The following ABCC9 variants were observed in gnomAD, a reference collection of about 807,000 sequenced individuals.
ABCC9 encodes ATP-binding cassette sub-family C member 9.
In ABCC9, 95 loss-of-function variants were observed where a neutral mutation model predicts 188.3. The observed-to-expected ratio is 0.50, with a 90% CI of 0.43 to 0.60. The LOEUF (loss-of-function observed/expected upper bound fraction) is 0.60, where lower values mean the gene tolerates loss of function less well. Ranked by LOEUF, ABCC9 falls within the 20% of genes least tolerant of loss-of-function variation. The pLI, the probability that ABCC9 is intolerant of heterozygous loss-of-function variation, is 0.00. For missense variants in ABCC9, 1,102 were observed against 1,876.3 expected (o/e 0.59, Z 7.62); for synonymous variants, 659 against 652.7 (o/e 1.01, Z -0.15).
intron 18 of ABCC9, among the ~76,000 whole-genome samples, chr12:21,870,749 A>T (rs1946029330): frequency 6.6e-6 from 1 of 151,566 alleles, no homozygotes; most frequent in Non-Finnish European, 1.5e-5. Context: ...TATTTAAACA[A>T]TATTTAAAAA....
chr12:21,869,215 G>T (rs1210134599), intron 18 of ABCC9, among the ~76,000 whole-genome samples: 3 of 152,228 alleles, frequency 2.0e-5, no homozygotes, highest in Non-Finnish European at 2.9e-5. Flanking sequence ...TAGGTTACAG[G>T]AATTTTATAA....
intron 17 of ABCC9, 146 bp downstream of exon 17, chr12:21,875,508 T>C: frequency 1.6e-6 from 1 of 625,002 alleles, no homozygotes. Context: ...AGTGACACAG[T>C]GGCTCGCAAG....
intron 17 of ABCC9, among the ~76,000 whole-genome samples, chr12:21,874,013 C>T (rs1050814566): frequency 6.6e-6 from 1 of 151,964 alleles, no homozygotes; most frequent in African/African-American, 2.4e-5. Flanking sequence ...AGTAGAACCA[C>T]ATCAAACTAA....
Position 21,801,068 on chromosome 12 carries a change from A to G in ABCC9, c.4626T>C (p.Ala1542=). 1 of 1,614,000 alleles carries G rather than the reference A, an allele frequency of 6.2e-7. No homozygotes were observed. The highest frequency in any genetic ancestry group is 1.3e-5 in the African/African-American group (1 of 75,062). ...TTCACATGTCTGCGCGAACAAAAGA[A>G]GCAAATACTCCATTTTCCTGAGCCA... The part of the protein sequence containing the change: ...SLLAQENGVF[A]SFVRADM Residue 1542 remains alanine, a synonymous_variant, in exon 40 of 40, where the codon GCT becomes GCC. Coordinates refer to ENST00000261200, the MANE Select transcript of ABCC9 (RefSeq NM_020297.4).
chr12:21,817,323 A>T lies in ABCC9; in HGVS notation c.3772-16T>A. ...AATTGGTTATCTGTGTCAGGTGATT[A>T]AAAAAATTGTTTTAAATAAATTAAA... On this transcript the variant is annotated splice_polypyrimidine_tract_variant and intron_variant, in intron 32 of 39. Coordinates refer to ENST00000261200, the MANE Select transcript of ABCC9 (RefSeq NM_020297.4). 1.9e-6 allele frequency: 3 copies of T among 1,611,924 alleles called. No homozygotes were observed. Among genetic ancestry groups the T allele is most frequent in the South Asian group, 1.1e-5 (1 of 90,976 alleles).
At chr12:21,928,597 C>T (rs916290888) in intron 4 of ABCC9, among the ~76,000 whole-genome samples, 3 of 151,962 alleles carry the variant, frequency 2.0e-5, no homozygotes, top group African/African-American at 7.2e-5. Context: ...TAACCTTAAA[C>T]AGGTTTGATA....
intron 32 of ABCC9, 61 bp from the exon 33 acceptor site, chr12:21,817,368 C>T: frequency 6.4e-7 from 1 of 1,567,446 alleles, no homozygotes; most frequent in East Asian, 2.3e-5. Context: ...TGTGGTTAAT[C>T]ACCGGAAATT....
rs79658484 is a variant in ABCC9, at chr12:21,819,105, C to T, written c.3670-854G>A. ...CAAATAAAAGATGGGAACATCTGTC[C>T]ATTTCCTAACGCTTTCTTTTTATCT... On this transcript the variant is annotated intron_variant, in intron 31 of 39. Transcript: ENST00000261200. 9.1e-3 allele frequency among the ~76,000 whole-genome samples: 1,380 copies of T among 152,168 alleles called. 20 individuals carry two copies. Among genetic ancestry groups the T allele is most frequent in the African/African-American group, 0.032 (1,329 of 41,516 alleles).
intron 16 of ABCC9, among the ~76,000 whole-genome samples, chr12:21,878,959 T>A (rs1291136540): frequency 6.6e-6 from 1 of 152,138 alleles, no homozygotes; most frequent in Admixed American, 6.5e-5. Flanking sequence ...GAAAGTCAGC[T>A]AATATATAAA....
At chr12:21,822,416 T>C (rs929879490) in intron 31 of ABCC9, among the ~76,000 whole-genome samples, 2 of 152,152 alleles carry the variant, frequency 1.3e-5, no homozygotes, top group Non-Finnish European at 2.9e-5. Context: ...TACTACACTT[T>C]TCAAAAAATA....
intron 12 of ABCC9, among the ~76,000 whole-genome samples, chr12:21,902,449 G>T (rs951235620): frequency 6.6e-6 from 1 of 152,274 alleles, no homozygotes; most frequent in South Asian, 2.1e-4. Context: ...ACTTAGATCA[G>T]AGCAGAACTG....
Position 21,859,677 on chromosome 12 carries a change from G to T in ABCC9, c.2425-11C>A, listed in dbSNP as rs1389925977. 1 of 1,612,406 alleles carries T rather than the reference G, an allele frequency of 6.2e-7. No individual in the cohort carries two copies. Among genetic ancestry groups the T allele is most frequent in the East Asian group, 2.2e-5 (1 of 44,860 alleles). On this transcript the variant is annotated splice_polypyrimidine_tract_variant and intron_variant, in intron 21 of 39. Coordinates refer to ENST00000261200, the MANE Select transcript of ABCC9 (RefSeq NM_020297.4). Reference sequence around the variant, plus strand: ...ACTCAGGTTGATGCCCTAGAGAAGAGACACCCCCAAATACCCATTTTTTAA... The same window carrying T: ...ACTCAGGTTGATGCCCTAGAGAAGATACACCCCCAAATACCCATTTTTTAA...
At chr12:21,925,677 TCCCC>T (rs1489285454) in intron 5 of ABCC9, 1 of 627,112 alleles carries the variant, frequency 1.6e-6, no homozygotes, top group East Asian at 2.7e-5. Flanking sequence ...TCCACTTTCT[TCCCC>T]CACCCCCCTA....
intron 5 of ABCC9, among the ~76,000 whole-genome samples, chr12:21,917,803 T>C (rs1010618775): frequency 3.3e-5 from 5 of 152,190 alleles, no homozygotes; most frequent in Non-Finnish European, 5.9e-5. Flanking sequence ...AGAAATATTT[T>C]GGCAAGGATA....
chr12:21,819,948 C>G (rs1458258857), intron 31 of ABCC9, among the ~76,000 whole-genome samples: 1 of 152,150 alleles, frequency 6.6e-6, no homozygotes, highest in Non-Finnish European at 1.5e-5. Flanking sequence ...CCCTACTAGA[C>G]TGTTCTTTCT....
At chr12:21,929,317 C>T (rs1174755549) in intron 4 of ABCC9, among the ~76,000 whole-genome samples, 1 of 151,350 alleles carries the variant, frequency 6.6e-6, no homozygotes, top group East Asian at 1.9e-4. Flanking sequence ...AATAATAAAC[C>T]AATCAAATTA....
intron 30 of ABCC9, 83 bp downstream of exon 30, chr12:21,837,995 A>G: frequency 8.7e-7 from 1 of 1,148,192 alleles, no homozygotes; most frequent in Non-Finnish European, 1.3e-6. Flanking sequence ...AACAAAATGA[A>G]AGCAATGATC....
At chr12:21,885,301 G>A (rs1007203090) in intron 15 of ABCC9, among the ~76,000 whole-genome samples, 1 of 152,152 alleles carries the variant, frequency 6.6e-6, no homozygotes, top group African/African-American at 2.4e-5. Context: ...CATCAGCAGT[G>A]ATGAATGACC....
intron 11 of ABCC9, among the ~76,000 whole-genome samples, 157 bp from the exon 12 acceptor site, chr12:21,906,445 C>T (rs1385083803): frequency 2.0e-5 from 3 of 152,050 alleles, no homozygotes; most frequent in Non-Finnish European, 2.9e-5. Context: ...CAATTAAACC[C>T]TTTGTGCTTC....
Sources: allele counts gnomAD v4.1 joint callset (sites outside exome capture counted in the v4.1 genomes callset), GRCh38; gene constraint gnomAD v4.1.1; transcripts MANE v1.5; gene names NCBI Gene and HGNC (gene_info 2026-07-23, HGNC 2026-07-21).